The following ZMIZ2 variants were observed in gnomAD, a reference collection of about 807,000 sequenced individuals.
ZMIZ2 encodes the protein zinc finger MIZ-type containing 2.
In ZMIZ2, 26 loss-of-function variants were observed where a neutral mutation model predicts 93.9. The observed-to-expected ratio is 0.28, with a 90% confidence interval of 0.20 to 0.38. ZMIZ2 has a LOEUF of 0.38. Among genes scored for constraint, ZMIZ2 ranks in the 10% least tolerant of loss-of-function variants. The pLI, the probability that ZMIZ2 is intolerant of heterozygous loss-of-function variation, is 1.00. For synonymous variants in ZMIZ2, 485 were observed against 516.4 expected (o/e 0.94, Z 0.82); for missense variants, 1,023 against 1,235.0 (o/e 0.83, Z 2.57).
Position 44,765,090 on chromosome 7 carries a change from C to G in ZMIZ2, c.1997+81C>G, listed in dbSNP as rs1265606524. On this transcript the variant is annotated intron_variant, in intron 15 of 18. Transcript: ENST00000309315. This position sits in a 1 kb window ranked among gnomAD's most constrained non-coding sequence, Gnocchi z 4.1. ...GGACATGTCGGGGGATGTCCCTTGC[C>G]AAGTGCAGCCTTCCAGCCTTTTTCC... 6.4e-7 allele frequency: 1 copy of G among 1,569,000 alleles called. No homozygotes were observed. Among genetic ancestry groups the G allele is most frequent in the East Asian group, 2.2e-5 (1 of 44,534 alleles).
In ZMIZ2 at chr7:44,767,802, G is replaced by T. The variant is rs926583290; in HGVS notation, c.*179G>T. On this transcript the variant is annotated 3_prime_UTR_variant, in exon 19 of 19. Transcript: ENST00000309315. Reference sequence around the variant, plus strand: ...CTGAATTGGAAGCAGCCCTGTGCTCGATGGGAGGGGCTCCCAGGCCGGCAG... The same window carrying T: ...CTGAATTGGAAGCAGCCCTGTGCTCTATGGGAGGGGCTCCCAGGCCGGCAG... 10 of 621,892 alleles carry T rather than the reference G, an allele frequency of 1.6e-5. No individual in the cohort carries two copies. Among genetic ancestry groups the T allele is most frequent in the African/African-American group, 3.7e-5 (2 of 54,322 alleles). 38.5% of individuals were successfully genotyped at this position (621,892 alleles called of 1,614,324 possible).
At chr7:44,758,165 A>C in intron 6 of ZMIZ2, 57 bp downstream of exon 6, 1 of 1,486,416 alleles carries the variant, frequency 6.7e-7, no homozygotes, top group Non-Finnish European at 8.9e-7. Flanking sequence ...TCACCCAGGC[A>C]CTCTTTAGAG....
chr7:44,749,338 G>A (rs558107420), intron 1 of ZMIZ2, among the ~76,000 whole-genome samples: 1 of 152,292 alleles, frequency 6.6e-6, no homozygotes, highest in South Asian at 2.1e-4. Flanking sequence ...GAGCGATGAA[G>A]GCTGGCCGGG....
In ZMIZ2 at chr7:44,763,315, G is replaced by A. The variant is rs771772398; in HGVS notation, c.1762G>A (p.Gly588Arg). The A allele has an allele frequency of 2.0e-5, 33 of 1,614,008 alleles. No individual in the cohort carries two copies. Among genetic ancestry groups the A allele is most frequent in the South Asian group, 3.3e-5 (3 of 91,078 alleles). ...CACCCCTGGGCCCAACGGAGAGGAC[G>A]GGGTGGAGCAGACAGCTATCAAGGT... ...PGTPGPNGED[G>R]VEQTAIKVSL... is the part of the protein sequence containing the mutation. Residue 588 changes from glycine (G) to arginine (R), a missense_variant, in exon 13 of 19, where the codon GGG (glycine) becomes AGG (arginine). This residue lies in a region of ZMIZ2 where 48 missense variants were observed against 99.1 expected (regional missense o/e 0.48). Transcript: ENST00000309315. The surrounding 1 kb of genome is among the most constrained non-coding windows in gnomAD (Gnocchi z 5.6).
chr7:44,765,720 G>C lies in ZMIZ2; in HGVS notation c.2242+141G>C. ...TCAGTGTTGCCACACAAAACATGCC[G>C]CGGGGCACCTCCAGCCCCTCCCATC... is the stretch of plus-strand genomic sequence containing the variant. On this transcript the variant is annotated intron_variant, in intron 16 of 18. Transcript: ENST00000309315. This position sits in a 1 kb window ranked among gnomAD's most constrained non-coding sequence, Gnocchi z 4.1. 1 of 1,286,704 alleles carries C rather than the reference G, an allele frequency of 7.8e-7. No homozygotes were observed. Among genetic ancestry groups the C allele is most frequent in the Non-Finnish European group, 1.1e-6 (1 of 949,586 alleles). The allele number at this position is 1,286,704 out of a possible 1,614,324, so 79.7% of individuals were successfully genotyped here.
chr7:44,762,279 A>G (rs1193855833), intron 11 of ZMIZ2, among the ~76,000 whole-genome samples: 1 of 152,242 alleles, frequency 6.6e-6, no homozygotes, highest in Non-Finnish European at 1.5e-5. Flanking sequence ...TTCCAGTTAG[A>G]GTAAATTGAC....
chr7:44,754,367 C>G (rs1412481893), intron 1 of ZMIZ2, among the ~76,000 whole-genome samples: 1 of 152,170 alleles, frequency 6.6e-6, no homozygotes, highest in Admixed American at 6.5e-5. Flanking sequence ...AGGGGAGGAG[C>G]CTATGGGCTG....
chr7:44,764,822 G>A (rs1791539293), intron 14 of ZMIZ2, 119 bp from the exon 15 acceptor site: 2 of 1,014,858 alleles, frequency 2.0e-6, no homozygotes, highest in Non-Finnish European at 2.9e-6. Context: ...TTGTTCAGTT[G>A]CCTCACACAG....
chr7:44,756,080 C>T (rs1790560632), intron 1 of ZMIZ2, 108 bp from the exon 2 acceptor site: 3 of 825,706 alleles, frequency 3.6e-6, no homozygotes, highest in Admixed American at 4.5e-5. Flanking sequence ...GCCCAGGGGT[C>T]CCTTATTGAG....
rs1356173692 is a variant in ZMIZ2, at chr7:44,761,608, G to C, written c.1385+15G>C. 2 of 1,613,614 alleles carry C rather than the reference G, an allele frequency of 1.2e-6. No individual in the cohort carries two copies. Among genetic ancestry groups the C allele is most frequent in the Non-Finnish European group, 1.7e-6 (2 of 1,179,870 alleles). On this transcript the variant is annotated intron_variant, in intron 10 of 18. Coordinates refer to ENST00000309315, the MANE Select transcript of ZMIZ2 (RefSeq NM_031449.4). This position sits in a 1 kb window ranked among gnomAD's most constrained non-coding sequence, Gnocchi z 5.8. ...CTGATAATGAGGTGAGCTCCGCCTGGCCCCCACCTGACCCCCACGAGGCTC... is the reference window on the plus strand; with the variant it reads ...CTGATAATGAGGTGAGCTCCGCCTGCCCCCCACCTGACCCCCACGAGGCTC...
At position 44,763,191 on chromosome 7, in the gene ZMIZ2, A is replaced by G. The variant is rs2116851194; in HGVS notation, c.1703-65A>G. On this transcript the variant is annotated intron_variant, in intron 12 of 18. Transcript: ENST00000309315. This position sits in a 1 kb window ranked among gnomAD's most constrained non-coding sequence, Gnocchi z 5.6. ...GTGACTGGGTCCCTGCCTCGTTGGC[A>G]TCCCCATTCACACCTCCCCATCTTG... 6.3e-7 allele frequency: 1 copy of G among 1,582,324 alleles called. No homozygotes were observed. Among genetic ancestry groups the G allele is most frequent in the East Asian group, 2.2e-5 (1 of 44,458 alleles).
chr7:44,757,788 C>T, intron 5 of ZMIZ2, 60 bp from the exon 6 acceptor site: 1 of 1,509,128 alleles, frequency 6.6e-7, no homozygotes, highest in Non-Finnish European at 8.9e-7. Context: ...GGTTTTATGC[C>T]TATCTTTTGG....
At chr7:44,751,716 G>A (rs903036061) in intron 1 of ZMIZ2, among the ~76,000 whole-genome samples, 1 of 152,014 alleles carries the variant, frequency 6.6e-6, no homozygotes, top group African/African-American at 2.4e-5. Context: ...AGCACTTTGG[G>A]AGGCCGAGGT....
intron 18 of ZMIZ2, 104 bp from the exon 19 acceptor site, chr7:44,767,412 C>T (rs1791827550): frequency 1.0e-6 from 1 of 1,001,104 alleles, no homozygotes; most frequent in African/African-American, 1.6e-5. Flanking sequence ...TGCTCAGCAT[C>T]CCCACTGTGC....
intron 9 of ZMIZ2, 81 bp downstream of exon 9, chr7:44,760,674 G>A: frequency 2.0e-6 from 3 of 1,535,660 alleles, no homozygotes; most frequent in South Asian, 2.4e-5. Flanking sequence ...AGAGAGTCCT[G>A]TAGGAGCTTG....
In ZMIZ2 at chr7:44,760,534, A is replaced by C. The variant is rs1379090426; in HGVS notation, c.1181A>C (p.Lys394Thr). The C allele has an allele frequency of 6.2e-7, 1 of 1,614,016 alleles. No individual in the cohort carries two copies. The highest frequency in any genetic ancestry group is 8.5e-7 in the Non-Finnish European group (1 of 1,180,028). The change falls in exon 9 of 19, where the codon AAG (lysine) becomes ACG (threonine). Residue 394 changes from lysine (K) to threonine (T), a missense_variant. Lys to Thr is a moderately conservative substitution (Grantham distance 78). This residue lies in a region of ZMIZ2 where 656 missense variants were observed against 777.1 expected (regional missense o/e 0.84). Coordinates refer to ENST00000309315, the MANE Select transcript of ZMIZ2 (RefSeq NM_031449.4). ...VPYMSPNQEV[K>T]SPFLPDLKPN... ...TACATGTCACCAAACCAAGAGGTCA[A>C]GTCTCCCTTCTTGCCTGATCTCAAG...
chr7:44,748,997 C>A lies in ZMIZ2; in HGVS notation c.-63+6C>A, dbSNP rs1789877607. 1 of 150,848 alleles carries A rather than the reference C, an allele frequency of 6.6e-6. No individual in the cohort carries two copies. Among genetic ancestry groups the A allele is most frequent in the African/African-American group, 2.4e-5 (1 of 41,122 alleles). The allele number at this position is 150,848 out of a possible 1,614,324, so 9.3% of individuals were successfully genotyped here. A position where few individuals can be genotyped will look rare whatever the true frequency, so the allele number is the denominator to read the frequency against. On this transcript the variant is annotated splice_donor_region_variant and intron_variant, in intron 1 of 18. Coordinates refer to ENST00000309315, the MANE Select transcript of ZMIZ2 (RefSeq NM_031449.4). ...CCGGGCCAGGCCGGGCGGAGGTGAG[C>A]GGGGTCCTGGGGGTGGCCCCTGGCA...
rs951851805 is a variant in ZMIZ2 at position 44,767,796 on chromosome 7, G to T, written c.*173G>T. On this transcript the variant is annotated 3_prime_UTR_variant, in exon 19 of 19. Transcript: ENST00000309315. ...CTGCCCCTGAATTGGAAGCAGCCCT[G>T]TGCTCGATGGGAGGGGCTCCCAGGC... 30 of 631,708 alleles carry T rather than the reference G, an allele frequency of 4.7e-5. No individual in the cohort carries two copies. Among genetic ancestry groups the T allele is most frequent in the African/African-American group, 4.6e-4 (25 of 54,724 alleles). The allele number at this position is 631,708 out of a possible 1,614,324, so 39.1% of individuals were successfully genotyped here.
At position 44,763,078 on chromosome 7, in the gene ZMIZ2, T is replaced by C; in HGVS notation, c.1702+92T>C. The C allele has an allele frequency of 1.4e-6, 2 of 1,461,108 alleles. No individual in the cohort carries two copies. Among genetic ancestry groups the C allele is most frequent in the Non-Finnish European group, 9.4e-7 (1 of 1,065,128 alleles). 90.5% of individuals were successfully genotyped at this position (1,461,108 alleles called of 1,614,324 possible). A position where few individuals can be genotyped will look rare whatever the true frequency, so the allele number is the denominator to read the frequency against. On this transcript the variant is annotated intron_variant, in intron 12 of 18. Transcript: ENST00000309315. This position sits in a 1 kb window ranked among gnomAD's most constrained non-coding sequence, Gnocchi z 5.6. ...TCCTCCTTGTGGGCACCTCCTCGTG[T>C]CACACCAGGCCTTCTCCTTGGACAG...
Sources: gnomAD v4.1 joint callset for allele counts (sites outside exome capture counted in the v4.1 genomes callset) on GRCh38, gnomAD v4.1.1 for gene constraint, gnomAD v4.1.1 regional missense constraint, Gnocchi (gnomAD v3.1) non-coding constraint, MANE v1.5 for transcripts, NCBI Gene and HGNC (gene_info 2026-07-23, HGNC 2026-07-21) for gene names.